Variants in ANXA8 observed in about 807,000 individuals in gnomAD.
ANXA8 encodes VAC-beta.
Under a neutral mutation model 26.8 loss-of-function variants are expected in ANXA8, and 9 were observed. The observed-to-expected ratio is 0.34, with a 90% CI of 0.20 to 0.59. ANXA8 has a LOEUF of 0.59. Ranked by LOEUF, ANXA8 falls within the 20% of genes least tolerant of loss-of-function variation. The pLI is 0.84. For missense variants in ANXA8, 83 were observed against 238.5 expected (o/e 0.35, Z 4.29); for synonymous variants, 39 against 94.8 (o/e 0.41, Z 3.42).
At chr10:47,971,028 C>G in the ANXA8 span, among the ~76,000 whole-genome samples, 107 of 151,526 alleles carry the variant, frequency 7.1e-4, 2 homozygotes, top group East Asian at 0.019. Flanking sequence ...CTGCCACCTT[C>G]GTGCTATGTG....
At chr10:47,510,057 A>C in the ANXA8 span, 1 of 1,495,982 alleles carries the variant, frequency 6.7e-7, no homozygotes, top group Non-Finnish European at 8.9e-7. Context: ...GAATCTGAAT[A>C]TCAATATATG....
At chr10:47,665,862 A>G in the ANXA8 span, among the ~76,000 whole-genome samples, 1 of 151,926 alleles carries the variant, frequency 6.6e-6, no homozygotes, top group East Asian at 1.9e-4. Flanking sequence ...ATAACAAAGT[A>G]TAACTCAATT....
chr10:47,689,908 A>G, the ANXA8 span: 1 of 1,289,220 alleles, frequency 7.8e-7, no homozygotes, highest in Non-Finnish European at 1.1e-6. Flanking sequence ...CCCAGATTCT[A>G]TTGGTTCTCC....
At chr10:47,988,706 T>G in the ANXA8 span, among the ~76,000 whole-genome samples, 1 of 150,196 alleles carries the variant, frequency 6.7e-6, no homozygotes, top group Non-Finnish European at 1.5e-5. Flanking sequence ...TAGGATTGAC[T>G]GGGGAAGCTT....
the ANXA8 span, among the ~76,000 whole-genome samples, chr10:47,648,817 G>T: frequency 1.9e-5 from 1 of 52,134 alleles, no homozygotes; most frequent in Non-Finnish European, 3.2e-5. Context: ...AAACAGAAAA[G>T]AGGAAGTTAC....
the ANXA8 span, among the ~76,000 whole-genome samples, chr10:47,667,216 A>G: frequency 6.6e-6 from 1 of 151,956 alleles, no homozygotes; most frequent in Non-Finnish European, 1.5e-5. Flanking sequence ...TTGATACCTT[A>G]TGTTTTCTGA....
the ANXA8 span, among the ~76,000 whole-genome samples, chr10:47,676,979 A>G: frequency 9.6e-6 from 1 of 104,594 alleles, no homozygotes; most frequent in Non-Finnish European, 1.8e-5. Flanking sequence ...GATGACATCC[A>G]TAAAGAGCTG....
chr10:47,521,728 C>T, the ANXA8 span, among the ~76,000 whole-genome samples: 11 of 150,892 alleles, frequency 7.3e-5, no homozygotes, highest in South Asian at 6.3e-4. Context: ...TGTTTTCTAC[C>T]GGCTCCCATC....
upstream of ANXA8, among the ~76,000 whole-genome samples, chr10:47,486,877 G>A (rs1300701801): frequency 2.7e-5 from 4 of 147,466 alleles, no homozygotes; most frequent in Non-Finnish European, 6.0e-5. Context: ...GGAGGCTGAG[G>A]CAGGAGAATT....
At chr10:47,530,360 C>G in the ANXA8 span, among the ~76,000 whole-genome samples, 1 of 148,622 alleles carries the variant, frequency 6.7e-6, no homozygotes, top group Non-Finnish European at 1.5e-5. Flanking sequence ...TTGTCCAGAA[C>G]TACAGTCCAT....
chr10:47,593,190 T>C, the ANXA8 span, among the ~76,000 whole-genome samples: 1 of 147,144 alleles, frequency 6.8e-6, no homozygotes. Context: ...GTAAGCACAG[T>C]GGACTGGTGG....
the ANXA8 span, among the ~76,000 whole-genome samples, chr10:47,585,251 G>A: frequency 2.6e-5 from 2 of 75,874 alleles, no homozygotes; most frequent in Non-Finnish European, 4.6e-5. Context: ...GAGACATAGC[G>A]AGACTCCATC....
chr10:47,685,750 A>AGG, the ANXA8 span, among the ~76,000 whole-genome samples: 4 of 149,882 alleles, frequency 2.7e-5, no homozygotes, highest in African/African-American at 9.9e-5. Flanking sequence ...AGAACAATTT[A>AGG]GGAAAGAGTA....
the ANXA8 span, among the ~76,000 whole-genome samples, chr10:47,937,112 C>T: frequency 8.0e-5 from 12 of 149,950 alleles, no homozygotes; most frequent in South Asian, 2.1e-4. Flanking sequence ...CTCCTCTCGC[C>T]GCCCAGATCA....
chr10:47,693,172 G>A, the ANXA8 span, among the ~76,000 whole-genome samples: 1 of 151,742 alleles, frequency 6.6e-6, no homozygotes, highest in African/African-American at 2.4e-5. Flanking sequence ...TGATACAGAG[G>A]CGGTATTTAG....
chr10:47,623,885 C>T, the ANXA8 span, among the ~76,000 whole-genome samples: 102 of 97,942 alleles, frequency 1.0e-3, 23 homozygotes, highest in African/African-American at 3.9e-3. Context: ...TTTAAATTCT[C>T]GTCCTCTTTG....
At chr10:47,620,177 G>C in the ANXA8 span, among the ~76,000 whole-genome samples, 1 of 111,010 alleles carries the variant, frequency 9.0e-6, no homozygotes, top group African/African-American at 3.4e-5. Flanking sequence ...GAGTATAAAA[G>C]GCAAGGGGTG....
chr10:47,695,065 C>A, the ANXA8 span, among the ~76,000 whole-genome samples: 1 of 151,536 alleles, frequency 6.6e-6, no homozygotes, highest in African/African-American at 2.4e-5. Context: ...TTTCAGAATG[C>A]TCTCCTTGAA....
chr10:47,637,399 G>A, the ANXA8 span, among the ~76,000 whole-genome samples: 1 of 149,996 alleles, frequency 6.7e-6, no homozygotes, highest in African/African-American at 2.5e-5. Context: ...CTAACAAATG[G>A]CAGCCAATCT....
Sources: gnomAD v4.1 joint callset for allele counts (sites outside exome capture counted in the v4.1 genomes callset) on GRCh38, gnomAD v4.1.1 for gene constraint, MANE v1.5 for transcripts, NCBI Gene and HGNC (gene_info 2026-07-23, HGNC 2026-07-21) for gene names.